CCDC149: variants seen among roughly 807,000 people sequenced by gnomAD.
The protein encoded by CCDC149 is coiled-coil domain containing 149, also known as coiled-coil domain-containing protein 149.
In CCDC149, 45 loss-of-function variants were observed where a neutral mutation model predicts 59.9. That is an observed-to-expected ratio of 0.75 (90% CI 0.59 to 0.96). The LOEUF (loss-of-function observed/expected upper bound fraction) is 0.96, where lower values mean the gene tolerates loss of function less well. Ranked by LOEUF, CCDC149 falls within the 40% of genes least tolerant of loss-of-function variation. The probability of loss-of-function intolerance (pLI) is 0.00; values close to 1 mark genes in which losing one functional copy is unlikely to be tolerated. For synonymous variants in CCDC149, 245 were observed against 260.6 expected, an observed-to-expected ratio of 0.94 and a Z score of 0.58; for missense variants, 584 against 664.7, an observed-to-expected ratio of 0.88 and a Z score of 1.33.
chr4:24,868,406 T>C (rs929820894), intron 3 of CCDC149, among the ~76,000 whole-genome samples: 1 of 152,218 alleles, frequency 6.6e-6, no homozygotes, highest in Non-Finnish European at 1.5e-5. Flanking sequence ...AAGAGTCTTC[T>C]TTTTTCCAAC....
intron 1 of CCDC149, among the ~76,000 whole-genome samples, chr4:24,962,927 TG>T (rs1031917476): frequency 2.7e-4 from 23 of 85,028 alleles, no homozygotes; most frequent in Admixed American, 1.2e-4. Flanking sequence ...CTTTGTAAAG[TG>T]AAAAAAAAGA....
At chr4:24,960,335 T>C (rs1319313525) in intron 1 of CCDC149, among the ~76,000 whole-genome samples, 1 of 152,192 alleles carries the variant, frequency 6.6e-6, no homozygotes, top group South Asian at 2.1e-4. Flanking sequence ...AGAAGTTCTA[T>C]TGGGTTATAG....
At position 24,888,372 on chromosome 4, in the gene CCDC149, G is replaced by GA. The variant is rs74476873; in HGVS notation, c.64-11676dup. Among the ~76,000 whole-genome samples the GA allele has an allele frequency of 1.7e-3, 250 of 150,002 alleles. 2 individuals carry two copies. The East Asian group carries it at 0.029, about 17-fold the overall frequency. ...ATCTCATTTAGCATCATGCTTTGCA[G>GA]AAAAAAAAAATCCAGTTACACAAAC... On this transcript the variant is annotated intron_variant, in intron 1 of 12. Coordinates refer to ENST00000635206, the MANE Select transcript of CCDC149 (RefSeq NM_001330643.2).
chr4:24,923,990 A>G (rs1722369314), intron 1 of CCDC149, among the ~76,000 whole-genome samples: 1 of 152,184 alleles, frequency 6.6e-6, no homozygotes, highest in African/African-American at 2.4e-5. Flanking sequence ...GTTGCAGCTC[A>G]AGTGTGTTTT....
intron 1 of CCDC149, among the ~76,000 whole-genome samples, chr4:24,925,298 A>G (rs1299736283): frequency 6.6e-6 from 1 of 152,160 alleles, no homozygotes; most frequent in Non-Finnish European, 1.5e-5. Context: ...GTTTTTCTTC[A>G]TGGCTCTTGG....
At chr4:24,850,952 C>T (rs1717617965) in intron 4 of CCDC149, among the ~76,000 whole-genome samples, 1 of 151,742 alleles carries the variant, frequency 6.6e-6, no homozygotes, top group Admixed American at 6.6e-5. Flanking sequence ...CTGGGGCTTA[C>T]TGCAGTTAGA....
intron 1 of CCDC149, among the ~76,000 whole-genome samples, chr4:24,942,929 T>C (rs2109349557): frequency 6.6e-6 from 1 of 151,950 alleles, no homozygotes; most frequent in South Asian, 2.1e-4. Context: ...CATTCCATGC[T>C]CATGGGTAGG....
At chr4:24,906,539 C>T (rs1721546030) in intron 1 of CCDC149, among the ~76,000 whole-genome samples, 1 of 151,764 alleles carries the variant, frequency 6.6e-6, no homozygotes, top group South Asian at 2.1e-4. Context: ...GCTGGGATTA[C>T]AGGCACATCC....
intron 3 of CCDC149, among the ~76,000 whole-genome samples, chr4:24,873,392 T>C (rs937886066): frequency 2.0e-5 from 3 of 152,204 alleles, no homozygotes; most frequent in African/African-American, 4.8e-5. Flanking sequence ...CACTGAACAG[T>C]AGGTAGCTCA....
At chr4:24,925,492 C>G (rs1050342232) in intron 1 of CCDC149, among the ~76,000 whole-genome samples, 1 of 152,162 alleles carries the variant, frequency 6.6e-6, no homozygotes, top group Non-Finnish European at 1.5e-5. Flanking sequence ...TTTAAAAAAA[C>G]TTTGCGGTGT....
At chr4:24,838,059 C>A in intron 5 of CCDC149, 97 bp downstream of exon 5, 1 of 961,140 alleles carries the variant, frequency 1.0e-6, no homozygotes, top group Non-Finnish European at 1.7e-6. Context: ...CCCAGGCACC[C>A]CATACTCTGA....
At chr4:24,931,791 C>T (rs1327496089) in intron 1 of CCDC149, among the ~76,000 whole-genome samples, 2 of 117,536 alleles carry the variant, frequency 1.7e-5, no homozygotes, top group African/African-American at 3.2e-5. Context: ...TCTGGCAGCA[C>T]TGTAATATGT....
At chr4:24,821,163 C>T (rs1715365559) in intron 10 of CCDC149, 76 bp from the exon 11 acceptor site, 1 of 786,386 alleles carries the variant, frequency 1.3e-6, no homozygotes, top group East Asian at 3.4e-5. Context: ...CTAGACCAAA[C>T]AAAACCATAG....
At chr4:24,919,006 A>T (rs904543147) in intron 1 of CCDC149, among the ~76,000 whole-genome samples, 1 of 152,250 alleles carries the variant, frequency 6.6e-6, no homozygotes. Flanking sequence ...GTTTGCCAAC[A>T]TATCATGTCC....
At chr4:24,898,372 A>G (rs1286505476) in intron 1 of CCDC149, among the ~76,000 whole-genome samples, 1 of 152,198 alleles carries the variant, frequency 6.6e-6, no homozygotes, top group East Asian at 1.9e-4. Flanking sequence ...AAAACCAGGT[A>G]GCTACATATT....
intron 2 of CCDC149, among the ~76,000 whole-genome samples, chr4:24,876,132 C>A (rs73250610): frequency 2.0e-5 from 3 of 151,516 alleles, no homozygotes; most frequent in Non-Finnish European, 4.4e-5. Context: ...GCTATGAGAT[C>A]AAAAAAACAA....
At chr4:24,825,591 G>A (rs1401715758) in intron 9 of CCDC149, among the ~76,000 whole-genome samples, 1 of 151,984 alleles carries the variant, frequency 6.6e-6, no homozygotes, top group African/African-American at 2.4e-5. Context: ...GGCTAACATG[G>A]TGAAACCCCG....
intron 1 of CCDC149, among the ~76,000 whole-genome samples, chr4:24,968,711 T>C (rs1723876557): frequency 6.6e-6 from 1 of 152,198 alleles, no homozygotes. Flanking sequence ...AAACCAGGTG[T>C]GGACAGAATA....
chr4:24,948,599 G>C (rs73250638), intron 1 of CCDC149, among the ~76,000 whole-genome samples: 9,469 of 152,234 alleles, frequency 0.062, 367 homozygotes, highest in Middle Eastern at 0.1. Context: ...AGGGCAGGAT[G>C]TTGACACCTA....
Sources: gnomAD v4.1 joint callset for allele counts (sites outside exome capture counted in the v4.1 genomes callset) on GRCh38, gnomAD v4.1.1 for gene constraint, MANE v1.5 for transcripts, NCBI Gene and HGNC (gene_info 2026-07-23, HGNC 2026-07-21) for gene names.